The following URB1 variants were observed in gnomAD, a reference collection of about 807,000 sequenced individuals.
URB1 encodes nucleolar pre-ribosomal-associated protein 1.
Under a neutral mutation model 242.3 loss-of-function variants are expected in URB1, and 197 were observed. The ratio of observed to expected loss-of-function variants is 0.81; its 90% CI spans 0.72 to 0.91. The LOEUF (loss-of-function observed/expected upper bound fraction) is 0.91. Ranked by LOEUF, URB1 falls within the 40% of genes least tolerant of loss-of-function variation. The pLI is 0.00. For missense variants in URB1, 2,721 were observed against 2,860.5 expected, an observed-to-expected ratio of 0.95 and a Z score of 1.11; for synonymous variants, 1,153 against 1,201.8, an observed-to-expected ratio of 0.96 and a Z score of 0.84.
intron 6 of URB1, among the ~76,000 whole-genome samples, chr21:32,374,655 GCT>G (rs1253460162): frequency 1.3e-5 from 2 of 152,264 alleles, no homozygotes; most frequent in South Asian, 4.2e-4. Flanking sequence ...CTCAACCTCA[GCT>G]CTACTGACAC....
Position 32,392,968 on chromosome 21 carries a change from A to C in URB1, c.-58T>G, listed in dbSNP as rs2033657950. The C allele has an allele frequency of 7.0e-7, 1 of 1,430,126 alleles. No homozygotes were observed. Among genetic ancestry groups the C allele is most frequent in the Non-Finnish European group, 9.2e-7 (1 of 1,092,442 alleles). The allele number at this position is 1,430,126 out of a possible 1,614,324, so 88.6% of individuals were successfully genotyped here. A position where few individuals can be genotyped will look rare whatever the true frequency, so the allele number is the denominator to read the frequency against. ...ACACCTGAGGGGACCCGGCAGGAGCACTGGCACAGACAGCAGACACGCGCT... is the reference window on the plus strand; with the variant it reads ...ACACCTGAGGGGACCCGGCAGGAGCCCTGGCACAGACAGCAGACACGCGCT... On this transcript the variant is annotated 5_prime_UTR_variant, in exon 1 of 39. Transcript: ENST00000382751.
rs562585163 is a variant in URB1, at chr21:32,314,790, G to A, written c.*128C>T. The stretch of plus-strand genomic sequence containing the variant: ...TCTCAACTTTTCTTGTCAAAGAACT[G>A]AGCCAATGTACTGAACCTGTTGTTT... On this transcript the variant is annotated 3_prime_UTR_variant, in exon 39 of 39. Transcript: ENST00000382751. 1 of 1,450,600 alleles carries A rather than the reference G, an allele frequency of 6.9e-7. No individual in the cohort carries two copies. The highest frequency in any genetic ancestry group is 2.1e-5 in the Admixed American group (1 of 48,120). The allele number at this position is 1,450,600 out of a possible 1,614,324, so 89.9% of individuals were successfully genotyped here. A position where few individuals can be genotyped will look rare whatever the true frequency, so the allele number is the denominator to read the frequency against.
chr21:32,318,700 T>C (rs1601118358), intron 36 of URB1, among the ~76,000 whole-genome samples: 1 of 152,130 alleles, frequency 6.6e-6, no homozygotes, highest in African/African-American at 2.4e-5. Context: ...TGGAGGGAAA[T>C]TTAGCTCTTC....
At chr21:32,350,486 C>A (rs79710708) in intron 20 of URB1, among the ~76,000 whole-genome samples, 26 of 152,242 alleles carry the variant, frequency 1.7e-4, no homozygotes, top group Non-Finnish European at 3.4e-4. Flanking sequence ...CTTGACCAGG[C>A]TGCCCTGAAA....
chr21:32,319,498 G>A, intron 35 of URB1, 84 bp from the exon 36 acceptor site: 1 of 1,304,724 alleles, frequency 7.7e-7, no homozygotes, highest in South Asian at 1.8e-5. Context: ...AATCCTATCT[G>A]CTCATCCCCC....
chr21:32,333,436 C>A lies in URB1; in HGVS notation c.4858-17G>T. ...CTGTGTGTCCTGAAAGAGCCAAAAT[C>A]AACAAAAACGTGTGATTCAACCTCA... On this transcript the variant is annotated splice_polypyrimidine_tract_variant and intron_variant, in intron 29 of 38. Coordinates refer to ENST00000382751, the MANE Select transcript of URB1 (RefSeq NM_014825.3). The A allele has an allele frequency of 6.5e-7, 1 of 1,541,982 alleles. No homozygotes were observed. Among genetic ancestry groups the A allele is most frequent in the South Asian group, 1.2e-5 (1 of 83,050 alleles).
At chr21:32,355,952 T>C (rs899627217) in intron 15 of URB1, among the ~76,000 whole-genome samples, 2 of 152,238 alleles carry the variant, frequency 1.3e-5, no homozygotes, top group East Asian at 1.9e-4. Flanking sequence ...AGTTTCATTG[T>C]GCTCCAGCAC....
At chr21:32,389,953 C>G (rs1341518891) in intron 1 of URB1, among the ~76,000 whole-genome samples, 2 of 152,186 alleles carry the variant, frequency 1.3e-5, no homozygotes, top group Admixed American at 6.5e-5. Flanking sequence ...CCTCACATGC[C>G]TGGTGAAAAC....
Position 32,346,847 on chromosome 21 carries a change from C to T in URB1, c.3868+109G>A, listed in dbSNP as rs2123578105. 12 of 1,407,854 alleles carry T rather than the reference C, an allele frequency of 8.5e-6. No homozygotes were observed. The South Asian group carries it at 1.1e-4, about 13-fold the overall frequency. 87.2% of individuals were successfully genotyped at this position (1,407,854 alleles called of 1,614,324 possible). A position where few individuals can be genotyped will look rare whatever the true frequency, so the allele number is the denominator to read the frequency against. ...AGTTGTGTCAGACACTGGAAACTAA[C>T]CCACATCCCAGAACCTGAATTTCTA... On this transcript the variant is annotated intron_variant, in intron 22 of 38. Transcript: ENST00000382751.
intron 28 of URB1, among the ~76,000 whole-genome samples, chr21:32,336,800 A>C (rs2032964783): frequency 6.6e-6 from 1 of 152,204 alleles, no homozygotes; most frequent in Admixed American, 6.5e-5. Context: ...TTTTCAGAAA[A>C]ATCAACCAAA....
chr21:32,391,486 G>T lies in URB1; in HGVS notation c.142+1283C>A, dbSNP rs1343268192. ...CATGTACCTCTCCTTTGGAAAACTCGTGCTTGAAACTGTATGTATGTGATT... is the reference window on the plus strand; with the variant it reads ...CATGTACCTCTCCTTTGGAAAACTCTTGCTTGAAACTGTATGTATGTGATT... On this transcript the variant is annotated intron_variant, in intron 1 of 38. Coordinates refer to ENST00000382751, the MANE Select transcript of URB1 (RefSeq NM_014825.3). 5.9e-5 allele frequency among the ~76,000 whole-genome samples: 9 copies of T among 152,178 alleles called. No individual in the cohort carries two copies. The South Asian group carries it at 1.0e-3, about 18-fold the overall frequency.
At chr21:32,391,318 T>A (rs1032549741) in intron 1 of URB1, among the ~76,000 whole-genome samples, 5 of 151,488 alleles carry the variant, frequency 3.3e-5, no homozygotes, top group Non-Finnish European at 7.4e-5. Flanking sequence ...TGTATACATA[T>A]GTAACAAAGG....
intron 24 of URB1, 79 bp downstream of exon 24, chr21:32,344,491 A>C: frequency 6.8e-7 from 1 of 1,476,304 alleles, no homozygotes; most frequent in Non-Finnish European, 9.1e-7. Flanking sequence ...CCTGGCTTGA[A>C]ATGCATCTAT....
Position 32,311,388 on chromosome 21 carries a change from A to C in URB1, c.*3530T>G. The C allele has an allele frequency of 2.1e-6, 1 of 467,344 alleles. No individual in the cohort carries two copies. The highest frequency in any genetic ancestry group is 3.8e-6 in the Non-Finnish European group (1 of 260,408). The allele number at this position is 467,344 out of a possible 1,614,324, so 28.9% of individuals were successfully genotyped here. On this transcript the variant is annotated 3_prime_UTR_variant, in exon 39 of 39. Transcript: ENST00000382751. ...ACACTCAGATACAGCGCTGGATGGGAGGTCAACCTGCTCCCCTCCACCCCC... is the reference window on the plus strand; with the variant it reads ...ACACTCAGATACAGCGCTGGATGGGCGGTCAACCTGCTCCCCTCCACCCCC...
chr21:32,333,461 A>C, intron 29 of URB1, 42 bp from the exon 30 acceptor site: 41 of 1,463,232 alleles, frequency 2.8e-5, no homozygotes, highest in Non-Finnish European at 3.4e-5. Flanking sequence ...ATTCAACCTC[A>C]CAAAGGTAAT....
chr21:32,326,562 ATGTTGGAGG>A (rs2123551696), intron 30 of URB1, among the ~76,000 whole-genome samples: 1 of 152,158 alleles, frequency 6.6e-6, no homozygotes, highest in Non-Finnish European at 1.5e-5. Flanking sequence ...ACAAACCCCC[ATGTTGGAGG>A]TGGGGACTCC....
intron 34 of URB1, among the ~76,000 whole-genome samples, chr21:32,320,979 T>G (rs2032758614): frequency 6.6e-6 from 1 of 152,208 alleles, no homozygotes; most frequent in Non-Finnish European, 1.5e-5. Flanking sequence ...AGGGCCCGCC[T>G]CCAGGCCAGC....
Position 32,375,436 on chromosome 21 carries a change from A to G in URB1, c.712T>C (p.Ser238Pro). ...FSSGIKEDRI[S>P]TINILLSTLK... ...GTGGATAATAAAATATTGATGGTAG[A>G]GATCCTATCTTCCTTTATCCCTGAG... The change falls in exon 6 of 39, where the codon TCT becomes CCT. Residue 238 changes from serine to proline, a missense_variant. Ser to Pro is a moderately conservative substitution (Grantham distance 74). Coordinates refer to ENST00000382751, the MANE Select transcript of URB1 (RefSeq NM_014825.3). The G allele has an allele frequency of 1.3e-6, 2 of 1,541,434 alleles. No homozygotes were observed. The highest frequency in any genetic ancestry group is 1.2e-5 in the South Asian group (1 of 81,660).
chr21:32,313,071 C>G lies in URB1; in HGVS notation c.*1847G>C, dbSNP rs1387457068. 1.3e-5 allele frequency: 2 copies of G among 152,190 alleles called. No individual in the cohort carries two copies. Among genetic ancestry groups the G allele is most frequent in the Non-Finnish European group, 1.5e-5 (1 of 68,056 alleles). 9.4% of individuals were successfully genotyped at this position (152,190 alleles called of 1,614,324 possible). A position where few individuals can be genotyped will look rare whatever the true frequency, so the allele number is the denominator to read the frequency against. ...GAAGGTGAGGTGCTGAAAATGTGTC[C>G]TCACTTGACTGAGCTGGAACTCGGC... On this transcript the variant is annotated 3_prime_UTR_variant, in exon 39 of 39. Transcript: ENST00000382751.
Sources: allele counts gnomAD v4.1 joint callset (sites outside exome capture counted in the v4.1 genomes callset), GRCh38; gene constraint gnomAD v4.1.1; transcripts MANE v1.5; gene names NCBI Gene and HGNC (gene_info 2026-07-23, HGNC 2026-07-21).